The following ARHGEF28 variants were observed in gnomAD, a reference collection of about 807,000 sequenced individuals.
The protein encoded by ARHGEF28 is Rho guanine nucleotide exchange factor 28.
In ARHGEF28, 152 loss-of-function variants were observed where a neutral mutation model predicts 206.6. That is an observed-to-expected ratio of 0.74 (90% confidence interval 0.64 to 0.84). The LOEUF (loss-of-function observed/expected upper bound fraction) is 0.84. ARHGEF28 is among the 40% of genes least tolerant of loss of function. The pLI is 0.00. For synonymous variants in ARHGEF28, 763 were observed against 776.4 expected, an observed-to-expected ratio of 0.98 and a Z score of 0.29; for missense variants, 2,028 against 2,073.2, an observed-to-expected ratio of 0.98 and a Z score of 0.42.
At chr5:73,790,801 C>A (rs929821332) in intron 7 of ARHGEF28, among the ~76,000 whole-genome samples, 2 of 152,092 alleles carry the variant, frequency 1.3e-5, no homozygotes, top group African/African-American at 4.8e-5. Context: ...AATTCTCTGG[C>A]CATTGTGAAT....
At position 73,813,680 on chromosome 5, in the gene ARHGEF28, T is replaced by G. The variant is rs931471434; in HGVS notation, c.1024+18289T>G. 8 of 1,535,266 alleles carry G rather than the reference T, an allele frequency of 5.2e-6. No individual in the cohort carries two copies. In the African/African-American group the frequency reaches 9.6e-5, roughly 18 times the overall value. On this transcript the variant is annotated intron_variant, in intron 9 of 35. Coordinates refer to ENST00000513042, the MANE Select transcript of ARHGEF28 (RefSeq NM_001177693.2). Reference sequence around the variant, plus strand: ...AGAAGGACGTCCAAACAAGGTAGATTGCAGTATCTTTTCTTTCCTTCACGG... The same window carrying G: ...AGAAGGACGTCCAAACAAGGTAGATGGCAGTATCTTTTCTTTCCTTCACGG...
At chr5:73,922,730 T>A (rs1763587197) in intron 35 of ARHGEF28, among the ~76,000 whole-genome samples, 2 of 152,242 alleles carry the variant, frequency 1.3e-5, no homozygotes, top group Admixed American at 1.3e-4. Flanking sequence ...ATATTCCATC[T>A]GACTAAAACT....
At chr5:73,706,218 A>G (rs1748920606) in intron 2 of ARHGEF28, among the ~76,000 whole-genome samples, 1 of 152,142 alleles carries the variant, frequency 6.6e-6, no homozygotes, top group South Asian at 2.1e-4. Context: ...GACTATTCAA[A>G]TGAAGCCCAT....
In ARHGEF28 at chr5:73,870,181, T is replaced by A; in HGVS notation, c.2538T>A (p.Asp846Glu). 1 of 1,613,878 alleles carries A rather than the reference T, an allele frequency of 6.2e-7. No individual in the cohort carries two copies. The highest frequency in any genetic ancestry group is 8.5e-7 in the Non-Finnish European group (1 of 1,179,840). Residue 846 changes from aspartate to glutamate, a missense_variant, in exon 21 of 36, where the codon GAT (aspartate) becomes GAA (glutamate). Physicochemically the swap from Asp to Glu is conservative, Grantham distance 45. Coordinates refer to ENST00000513042, the MANE Select transcript of ARHGEF28 (RefSeq NM_001177693.2). ...DPSFCNRQEK[D>E]VIKRQDVIFE... ...CATTTTGTAATAGGCAGGAGAAGGA[T>A]GTCATCAAAAGACAGGATGTCATTT...
chr5:73,640,536 A>T (rs190781760), intron 1 of ARHGEF28, among the ~76,000 whole-genome samples: 5 of 152,340 alleles, frequency 3.3e-5, no homozygotes, highest in Non-Finnish European at 1.5e-5. Flanking sequence ...AAATTAAACA[A>T]AAAAGAAGAA....
intron 22 of ARHGEF28, among the ~76,000 whole-genome samples, chr5:73,881,698 C>CAT (rs1311485508): frequency 6.6e-6 from 1 of 152,144 alleles, no homozygotes; most frequent in East Asian, 1.9e-4. Context: ...TTCAAGGGGA[C>CAT]GTGTGCATGT....
intron 31 of ARHGEF28, 98 bp downstream of exon 31, chr5:73,901,382 T>G (rs1294744995): frequency 2.2e-6 from 2 of 913,132 alleles, no homozygotes; most frequent in Non-Finnish European, 3.4e-6. Flanking sequence ...GGGGCAAAGG[T>G]GCTTTTCTGA....
At chr5:73,893,392 T>TA in intron 28 of ARHGEF28, 104 bp downstream of exon 28, 2 of 874,614 alleles carry the variant, frequency 2.3e-6, no homozygotes, top group Non-Finnish European at 3.2e-6. Flanking sequence ...ATTCATCCTG[T>TA]GCACCTGAGG....
chr5:73,868,754 C>T lies in ARHGEF28; in HGVS notation c.2425+527C>T, dbSNP rs181088191. 3.8e-4 allele frequency among the ~76,000 whole-genome samples: 58 copies of T among 152,216 alleles called. 1 individual carries two copies. The East Asian group carries it at 0.011, about 28-fold the overall frequency. Reference sequence around the variant, plus strand: ...CTCGAGCTCCCAGGTTCAAGCGATTCTCCTGCCACAGCCTCCCAAGTAGCT... The same window carrying T: ...CTCGAGCTCCCAGGTTCAAGCGATTTTCCTGCCACAGCCTCCCAAGTAGCT... On this transcript the variant is annotated intron_variant, in intron 20 of 35. Coordinates refer to ENST00000513042, the MANE Select transcript of ARHGEF28 (RefSeq NM_001177693.2).
chr5:73,836,551 A>G (rs1330571630), intron 10 of ARHGEF28, among the ~76,000 whole-genome samples: 1 of 151,914 alleles, frequency 6.6e-6, no homozygotes, highest in Non-Finnish European at 1.5e-5. Context: ...TTCCTTACAT[A>G]TTTTGGGTAT....
At chr5:73,648,862 TCTC>T (rs2112159262) in intron 1 of ARHGEF28, among the ~76,000 whole-genome samples, 1 of 152,214 alleles carries the variant, frequency 6.6e-6, no homozygotes, top group Non-Finnish European at 1.5e-5. Flanking sequence ...AAACTTCACT[TCTC>T]CTTTCCATGA....
At chr5:73,928,216 C>G (rs13175912) in intron 35 of ARHGEF28, among the ~76,000 whole-genome samples, 1 of 151,910 alleles carries the variant, frequency 6.6e-6, no homozygotes, top group African/African-American at 2.4e-5. Flanking sequence ...GTCAGGCTTT[C>G]GAGAGCCTGA....
intron 35 of ARHGEF28, among the ~76,000 whole-genome samples, chr5:73,927,279 A>G (rs1763873720): frequency 6.6e-6 from 1 of 152,086 alleles, no homozygotes; most frequent in African/African-American, 2.4e-5. Context: ...TGGGGGGCTG[A>G]GGCAGGAGGA....
intron 13 of ARHGEF28, 145 bp from the exon 14 acceptor site, chr5:73,852,505 C>A: frequency 2.8e-6 from 2 of 716,400 alleles, no homozygotes; most frequent in Non-Finnish European, 4.7e-6. Flanking sequence ...CAATGCCTTA[C>A]TTATATAAGG....
At chr5:73,901,474 A>G in intron 31 of ARHGEF28, 190 bp downstream of exon 31, 2 of 463,518 alleles carry the variant, frequency 4.3e-6, no homozygotes, top group Non-Finnish European at 7.9e-6. Context: ...TGCCTGTGTC[A>G]TGTAGGTGTA....
chr5:73,699,285 G>T (rs1186603025), intron 2 of ARHGEF28, among the ~76,000 whole-genome samples: 1 of 151,912 alleles, frequency 6.6e-6, no homozygotes, highest in Non-Finnish European at 1.5e-5. Context: ...CTTTTGAGGT[G>T]CATGGCTAGC....
intron 1 of ARHGEF28, among the ~76,000 whole-genome samples, chr5:73,665,515 G>A (rs938391147): frequency 2.0e-5 from 3 of 152,090 alleles, no homozygotes; most frequent in African/African-American, 7.2e-5. Context: ...TCTGTTTTGT[G>A]CTGCTCTAAT....
rs777664317 is a variant in ARHGEF28 at position 73,855,732 on chromosome 5, C to CA, written c.1791-1910dup. Among the ~76,000 whole-genome samples the CA allele has an allele frequency of 1.9e-3, 227 of 121,618 alleles. 1 individual carries two copies. Among genetic ancestry groups the CA allele is most frequent in the East Asian group, 4.9e-3 (20 of 4,110 alleles). The allele number at this position is 121,618 out of a possible 152,430, so 79.8% of individuals were successfully genotyped here. On this transcript the variant is annotated intron_variant, in intron 14 of 35. Coordinates refer to ENST00000513042, the MANE Select transcript of ARHGEF28 (RefSeq NM_001177693.2). The stretch of plus-strand genomic sequence containing the variant: ...AGGCAACGAGAGCAAAACTCCATCT[C>CA]AAAAAAAAAAAAAAGTTAAAGTGTC...
chr5:73,741,383 GTGTATA>G (rs1751407739), intron 2 of ARHGEF28, among the ~76,000 whole-genome samples: 2 of 18,300 alleles, frequency 1.1e-4, no homozygotes, highest in Non-Finnish European at 8.8e-5. Context: ...GTGTGTGTGT[GTGTATA>G]TATATATATA....
Sources: gnomAD v4.1 joint callset for allele counts (sites outside exome capture counted in the v4.1 genomes callset) on GRCh38, gnomAD v4.1.1 for gene constraint, MANE v1.5 for transcripts, NCBI Gene and HGNC (gene_info 2026-07-23, HGNC 2026-07-21) for gene names.